GALNT3: variants seen among roughly 807,000 people sequenced by gnomAD.
GALNT3 encodes GalNAc transferase 3.
A neutral mutation model predicts 69.8 loss-of-function variants in GALNT3; 51 were observed. That is an observed-to-expected ratio of 0.73 (90% CI 0.58 to 0.92). The LOEUF (loss-of-function observed/expected upper bound fraction) is 0.92. Among genes scored for constraint, GALNT3 ranks in the 40% least tolerant of loss-of-function variants. The probability of loss-of-function intolerance (pLI) is 0.00; values close to 1 mark genes in which losing one functional copy is unlikely to be tolerated. For missense variants in GALNT3, 711 were observed against 760.0 expected, an observed-to-expected ratio of 0.94 and a Z score of 0.76; for synonymous variants, 265 against 248.5, an observed-to-expected ratio of 1.07 and a Z score of -0.63.
At chr2:165,759,807 G>T (rs1290376099) in intron 4 of GALNT3, among the ~76,000 whole-genome samples, 1 of 152,014 alleles carries the variant, frequency 6.6e-6, no homozygotes, top group Non-Finnish European at 1.5e-5. Context: ...AATGATTATT[G>T]CAATCAAGCT....
chr2:165,760,568 G>A (rs1044866665), intron 4 of GALNT3, among the ~76,000 whole-genome samples: 1 of 152,174 alleles, frequency 6.6e-6, no homozygotes, highest in Non-Finnish European at 1.5e-5. Flanking sequence ...ACAACGAGAA[G>A]AAATACCAGA....
chr2:165,770,516 A>G lies in GALNT3; in HGVS notation c.185T>C (p.Met62Thr). The change falls in exon 2 of 11, where the codon ATG becomes ACG. Residue 62 changes from methionine to threonine, a missense_variant. By Grantham distance (81) the Met-to-Thr change is moderately conservative. Coordinates refer to ENST00000392701, the MANE Select transcript of GALNT3 (RefSeq NM_004482.4). Reference protein sequence around the residue: ...MERNMKNKNKMLDLMLEAVNN... With the variant: ...MERNMKNKNKTLDLMLEAVNN... ...TACAGCTTCTAGCATTAAATCCAAC[A>G]TCTTGTTTTTGTTTTTCATGTTCCT... 1 of 1,614,128 alleles carries G rather than the reference A, an allele frequency of 6.2e-7. No homozygotes were observed. The highest frequency in any genetic ancestry group is 8.5e-7 in the Non-Finnish European group (1 of 1,180,004).
At chr2:165,766,768 T>C (rs73972166) in intron 2 of GALNT3, among the ~76,000 whole-genome samples, 3,257 of 109,078 alleles carry the variant, frequency 0.03, 122 homozygotes, top group African/African-American at 0.085. Context: ...TAAAAAAAGA[T>C]ACACAAATTA....
intron 1 of GALNT3, chr2:165,771,644 T>C (rs1183498136): frequency 1.3e-5 from 2 of 151,824 alleles, no homozygotes; most frequent in Admixed American, 6.6e-5. Context: ...AAAAGAAAAA[T>C]AGGACTTTTT....
In GALNT3 at chr2:165,761,983, T is replaced by C; in HGVS notation, c.760A>G (p.Arg254Gly). 1.9e-6 allele frequency: 3 copies of C among 1,612,106 alleles called. No individual in the cohort carries two copies. Among genetic ancestry groups the C allele is most frequent in the Non-Finnish European group, 2.5e-6 (3 of 1,178,158 alleles). ...AACCGAGCAGTGATCAGACCTTTTC[T>C]TTCTCTTTGTCTGACTATTTTTACT... ...SIVKIVRQRE[R>G]KGLITARLLG... Residue 254 changes from arginine to glycine, a missense_variant, in exon 4 of 11, where the codon AGA becomes GGA. Transcript: ENST00000392701.
At chr2:165,765,102 T>C in intron 2 of GALNT3, 46 bp from the exon 3 acceptor site, 1 of 1,498,932 alleles carries the variant, frequency 6.7e-7, no homozygotes, top group South Asian at 1.1e-5. Flanking sequence ...AATTTTATTA[T>C]TTTATTTCAC....
rs1482605708 is a variant in GALNT3, at chr2:165,761,915, T to G, written c.828A>C (p.Leu276Phe). Reference sequence around the variant, plus strand: ...TACATATATACTTACAGTGAGCATCTAAAAATGTGAGCGTTTCAGCTGTTG... The same window carrying G: ...TACATATATACTTACAGTGAGCATCGAAAAATGTGAGCGTTTCAGCTGTTG... ...TVATAETLTF[L>F]DAHCECFYGW... is the part of the protein sequence containing the mutation. The change falls in exon 4 of 11, where the codon TTA becomes TTC. Residue 276 changes from leucine (L) to phenylalanine (F), a missense_variant. By Grantham distance (22) the Leu-to-Phe change is conservative. Coordinates refer to ENST00000392701, the MANE Select transcript of GALNT3 (RefSeq NM_004482.4). 1 of 1,614,102 alleles carries G rather than the reference T, an allele frequency of 6.2e-7. No homozygotes were observed. The highest frequency in any genetic ancestry group is 1.3e-5 in the African/African-American group (1 of 75,044).
At chr2:165,764,385 ATTC>A (rs1361961409) in intron 3 of GALNT3, among the ~76,000 whole-genome samples, 1 of 152,186 alleles carries the variant, frequency 6.6e-6, no homozygotes, top group Non-Finnish European at 1.5e-5. Context: ...ACACAATTGG[ATTC>A]TTCTTATAAT....
At chr2:165,790,295 G>A (rs1391705525) in intron 1 of GALNT3, among the ~76,000 whole-genome samples, 1 of 152,140 alleles carries the variant, frequency 6.6e-6, no homozygotes, top group East Asian at 1.9e-4. Context: ...TAATGACCTA[G>A]AATTCAGAGT....
chr2:165,782,849 G>C (rs1464998663), intron 1 of GALNT3, among the ~76,000 whole-genome samples: 4 of 152,146 alleles, frequency 2.6e-5, no homozygotes, highest in African/African-American at 9.7e-5. Flanking sequence ...GAGATGCTGT[G>C]ACTCTTGATT....
chr2:165,785,002 C>T (rs1683189836), intron 1 of GALNT3, among the ~76,000 whole-genome samples: 1 of 152,178 alleles, frequency 6.6e-6, no homozygotes, highest in Non-Finnish European at 1.5e-5. Context: ...TTCCCCCTTT[C>T]TCCTTATCTC....
In GALNT3 at chr2:165,748,847, A is replaced by G; in HGVS notation, c.1836T>C (p.His612=). Residue 612 remains histidine, a synonymous_variant, in exon 11 of 11, where the codon CAT becomes CAC. Coordinates refer to ENST00000392701, the MANE Select transcript of GALNT3 (RefSeq NM_004482.4). The part of the protein sequence containing the change: ...LKMCLSANGE[H]PSLVSCNPSD... ...ATGGGTTGCATGACACTAAACTTGG[A>G]TGCTCTCCATTTGCTGAAAGGCACA... 2 of 1,611,664 alleles carry G rather than the reference A, an allele frequency of 1.2e-6. No homozygotes were observed. Among genetic ancestry groups the G allele is most frequent in the Non-Finnish European group, 1.7e-6 (2 of 1,178,422 alleles).
chr2:165,768,311 T>C (rs1688684044), intron 2 of GALNT3, among the ~76,000 whole-genome samples: 1 of 152,208 alleles, frequency 6.6e-6, no homozygotes. Flanking sequence ...TAATGCTATA[T>C]TGGGAGAAAA....
At chr2:165,776,288 C>A (rs1427790016) in intron 1 of GALNT3, among the ~76,000 whole-genome samples, 1 of 152,126 alleles carries the variant, frequency 6.6e-6, no homozygotes, top group Non-Finnish European at 1.5e-5. Flanking sequence ...ACAAATCTCT[C>A]CTACAGTCAA....
chr2:165,759,470 CG>C lies in GALNT3; in HGVS notation c.938del (p.Thr313SerfsTer80). 1 of 1,614,020 alleles carries C rather than the reference CG, an allele frequency of 6.2e-7. No homozygotes were observed. Among genetic ancestry groups the C allele is most frequent in the Non-Finnish European group, 8.5e-7 (1 of 1,180,000 alleles). On this transcript the variant is annotated frameshift_variant, in exon 5 of 11. Transcript: ENST00000392701. LOFTEE classifies it high-confidence loss of function. ...SPDIASIDLN[T>X]FEFNKPSPYG... ...AAGGAGAAGGTTTGTTGAATTCAAA[CG>C]TGTTCAGATCTATGGATGCAATATC...
In GALNT3 at chr2:165,748,441, T is replaced by C. The variant is rs1688298322; in HGVS notation, c.*340A>G. ...AAAAAACTAGGGGAAATATTTTAAA[T>C]TGTGAGTGTGTGAATGTAGCTATAT... is the stretch of plus-strand genomic sequence containing the variant. On this transcript the variant is annotated 3_prime_UTR_variant, in exon 11 of 11. Coordinates refer to ENST00000392701, the MANE Select transcript of GALNT3 (RefSeq NM_004482.4). The C allele has an allele frequency of 1.0e-5, 3 of 289,428 alleles. No homozygotes were observed. Among genetic ancestry groups the C allele is most frequent in the Non-Finnish European group, 2.0e-5 (3 of 152,632 alleles). 17.9% of individuals were successfully genotyped at this position (289,428 alleles called of 1,614,324 possible). A position where few individuals can be genotyped will look rare whatever the true frequency, so the allele number is the denominator to read the frequency against.
At chr2:165,771,999 C>A (rs906269516) in intron 1 of GALNT3, among the ~76,000 whole-genome samples, 29 of 152,086 alleles carry the variant, frequency 1.9e-4, no homozygotes, top group Admixed American at 4.6e-4. Context: ...CAAAAGATAA[C>A]CCCAATTCTG....
intron 1 of GALNT3, among the ~76,000 whole-genome samples, chr2:165,775,416 G>A (rs529290446): frequency 1.3e-5 from 2 of 152,062 alleles, no homozygotes; most frequent in South Asian, 2.1e-4. Flanking sequence ...AAGAGGTTGA[G>A]AACCTTACAG....
intron 1 of GALNT3, among the ~76,000 whole-genome samples, chr2:165,778,682 A>G (rs897504034): frequency 6.6e-6 from 1 of 152,194 alleles, no homozygotes; most frequent in African/African-American, 2.4e-5. Context: ...TACTTCATTC[A>G]TGGGACTTAC....
Sources: allele counts gnomAD v4.1 joint callset (sites outside exome capture counted in the v4.1 genomes callset), GRCh38; gene constraint gnomAD v4.1.1; transcripts MANE v1.5; gene names NCBI Gene and HGNC (gene_info 2026-07-23, HGNC 2026-07-21).